The following VCAN variants were observed in gnomAD, a reference collection of about 807,000 sequenced individuals.
VCAN encodes the protein versican.
In VCAN, 44 loss-of-function variants were observed where a neutral mutation model predicts 245.5. The ratio of observed to expected loss-of-function variants is 0.18; its 90% CI spans 0.14 to 0.23. The LOEUF (loss-of-function observed/expected upper bound fraction) is 0.23, where lower values mean the gene tolerates loss of function less well. VCAN is among the 10% of genes least tolerant of loss of function. The probability of loss-of-function intolerance (pLI) is 1.00; values close to 1 mark genes in which losing one functional copy is unlikely to be tolerated. For missense variants in VCAN, 3,793 were observed against 4,057.9 expected, an observed-to-expected ratio of 0.93 and a Z score of 1.77; for synonymous variants, 1,413 against 1,437.0, an observed-to-expected ratio of 0.98 and a Z score of 0.38.
rs1268787386 is a variant in VCAN, at chr5:83,471,751, A to C, written c.-279A>C. The C allele has an allele frequency of 1.8e-5, 7 of 398,632 alleles. No homozygotes were observed. Among genetic ancestry groups the C allele is most frequent in the Non-Finnish European group, 4.4e-6 (1 of 226,220 alleles). 24.7% of individuals were successfully genotyped at this position (398,632 alleles called of 1,614,324 possible). ...TGATGGGTGTCACAACCCGCATTTG[A>C]ACTTGCAGGCGAGCTGCCCCGAGCC... is the stretch of plus-strand genomic sequence containing the variant. On this transcript the variant is annotated 5_prime_UTR_variant, in exon 1 of 15. Coordinates refer to ENST00000265077, the MANE Select transcript of VCAN (RefSeq NM_004385.5).
chr5:83,537,402 C>G lies in VCAN; in HGVS notation c.4399C>G (p.Pro1467Ala). ...AKTELSTAVQPNESTETTESL... is the reference protein window; with the variant it reads ...AKTELSTAVQANESTETTESL... ...AACGGAATTGTCTACTGCTGTGCAACCTAATGAATCTACAGAAACAACTGA... is the reference window on the plus strand; with the variant it reads ...AACGGAATTGTCTACTGCTGTGCAAGCTAATGAATCTACAGAAACAACTGA... The change falls in exon 8 of 15, where the codon CCT (proline) becomes GCT (alanine). Residue 1467 changes from proline to alanine, a missense_variant. Physicochemically the swap from Pro to Ala is conservative, Grantham distance 27 (BLOSUM62 -1). Coordinates refer to ENST00000265077, the MANE Select transcript of VCAN (RefSeq NM_004385.5). 1 of 1,613,894 alleles carries G rather than the reference C, an allele frequency of 6.2e-7. No homozygotes were observed. Among genetic ancestry groups the G allele is most frequent in the South Asian group, 1.1e-5 (1 of 91,076 alleles).
Position 83,473,342 on chromosome 5 carries a change from G to A in VCAN, c.-7+1319G>A, listed in dbSNP as rs150771760. ...CTCCAATCCAACTGCGTCTCGGCAA[G>A]TCCTGCATGTCCCTGGGAGATGCTG... On this transcript the variant is annotated intron_variant, in intron 1 of 14. Coordinates refer to ENST00000265077, the MANE Select transcript of VCAN (RefSeq NM_004385.5). Among the ~76,000 whole-genome samples the A allele has an allele frequency of 1.8e-3, 279 of 152,320 alleles. 1 individual carries two copies. The highest frequency in any genetic ancestry group is 6.0e-3 in the African/African-American group (251 of 41,568).
rs1265659118 is a variant in VCAN, at chr5:83,542,089, C to T, written c.9086C>T (p.Ser3029Leu). 1 of 1,613,978 alleles carries T rather than the reference C, an allele frequency of 6.2e-7. No homozygotes were observed. The highest frequency in any genetic ancestry group is 8.5e-7 in the Non-Finnish European group (1 of 1,179,888). Reference sequence around the variant, plus strand: ...GGGCAGGATTCCACGATAGCAGCATCAGAACAGCAAGTGGCAGCGAGAATT... The same window carrying T: ...GGGCAGGATTCCACGATAGCAGCATTAGAACAGCAAGTGGCAGCGAGAATT... ...IRGQDSTIAA[S>L]EQQVAARILD... Residue 3029 changes from serine (S) to leucine (L), a missense_variant, in exon 8 of 15, where the codon TCA becomes TTA. Physicochemically the swap from Ser to Leu is moderately radical, Grantham distance 145 (BLOSUM62 -2). Coordinates refer to ENST00000265077, the MANE Select transcript of VCAN (RefSeq NM_004385.5).
intron 9 of VCAN, among the ~76,000 whole-genome samples, chr5:83,545,883 G>T (rs944270149): frequency 1.3e-5 from 2 of 152,070 alleles, no homozygotes; most frequent in Non-Finnish European, 2.9e-5. Flanking sequence ...GAGTCTTCTT[G>T]TGTTTTTTAC....
At chr5:83,477,951 CTT>C (rs55842421) in intron 1 of VCAN, among the ~76,000 whole-genome samples, 3,494 of 138,982 alleles carry the variant, frequency 0.025, 106 homozygotes, top group African/African-American at 0.086. Context: ...TAATTTTTTT[CTT>C]TTTTTTTTTT....
chr5:83,555,220 C>G (rs1204111857), intron 12 of VCAN, among the ~76,000 whole-genome samples, 182 bp downstream of exon 12: 1 of 152,154 alleles, frequency 6.6e-6, no homozygotes, highest in African/African-American at 2.4e-5. Flanking sequence ...ATCCAGTCCT[C>G]TCTTCAATAG....
At chr5:83,493,748 A>G in intron 4 of VCAN, 28 bp downstream of exon 4, 1 of 1,614,154 alleles carries the variant, frequency 6.2e-7, no homozygotes, top group East Asian at 2.2e-5. Flanking sequence ...CACAGGCTTC[A>G]TTATTAACTT....
In VCAN at chr5:83,540,408, C is replaced by T. The variant is rs1440428236; in HGVS notation, c.7405C>T (p.Pro2469Ser). 1.2e-6 allele frequency: 2 copies of T among 1,613,848 alleles called. No homozygotes were observed. The highest frequency in any genetic ancestry group is 2.7e-5 in the African/African-American group (2 of 74,880). The change falls in exon 8 of 15, where the codon CCT becomes TCT. Residue 2469 changes from proline (P) to serine (S), a missense_variant. This residue lies in a region of VCAN where 3,182 missense variants were observed against 3,250.3 expected (regional missense o/e 0.98). Transcript: ENST00000265077. ...FVSDGSLEKHPEVPSAKAVTA... is the reference protein window; with the variant it reads ...FVSDGSLEKHSEVPSAKAVTA... Reference sequence around the variant, plus strand: ...TTCTGATGGGTCCCTGGAAAAACATCCTGAGGTGCCAAGCGCTAAAGCTGT... The same window carrying T: ...TTCTGATGGGTCCCTGGAAAAACATTCTGAGGTGCCAAGCGCTAAAGCTGT...
intron 13 of VCAN, among the ~76,000 whole-genome samples, chr5:83,575,168 A>G (rs1414913081): frequency 6.6e-6 from 1 of 152,202 alleles, no homozygotes; most frequent in Non-Finnish European, 1.5e-5. Flanking sequence ...TTAAACCCCA[A>G]TAATGAGAAA....
At chr5:83,533,030 C>T (rs1746579564) in intron 7 of VCAN, among the ~76,000 whole-genome samples, 1 of 152,186 alleles carries the variant, frequency 6.6e-6, no homozygotes, top group African/African-American at 2.4e-5. Context: ...CATCTATATG[C>T]ATCCCATAAC....
Position 83,521,507 on chromosome 5 carries a change from G to A in VCAN, c.3201G>A (p.Glu1067=), listed in dbSNP as rs201157092. ...CAGTAACACCACTGGATGAACAAGA[G>A]GGCGATGGATCAGCATATACAGTCT... is the stretch of plus-strand genomic sequence containing the variant. ...KEAVTPLDEQ[E]GDGSAYTVSE... The change falls in exon 7 of 15, where the codon GAG becomes GAA. Residue 1067 remains glutamate (E), a synonymous_variant. Transcript: ENST00000265077. 4.6e-4 allele frequency: 748 copies of A among 1,614,092 alleles called. 2 individuals carry two copies. Among genetic ancestry groups the A allele is most frequent in the Middle Eastern group, 2.0e-3 (12 of 6,062 alleles).
chr5:83,529,132 T>G (rs887266479), intron 7 of VCAN, among the ~76,000 whole-genome samples: 2 of 152,160 alleles, frequency 1.3e-5, no homozygotes, highest in Middle Eastern at 3.4e-3. Context: ...ACTGGATTTT[T>G]TTGAAGTACA....
intron 10 of VCAN, among the ~76,000 whole-genome samples, chr5:83,549,797 C>T (rs1030731853): frequency 1.1e-4 from 17 of 152,142 alleles, no homozygotes; most frequent in Admixed American, 1.0e-3. Flanking sequence ...AGTCTGTTTA[C>T]GCAGTGCAGC....
intron 1 of VCAN, among the ~76,000 whole-genome samples, chr5:83,478,214 G>A (rs1283517138): frequency 2.0e-5 from 3 of 152,050 alleles, no homozygotes; most frequent in Non-Finnish European, 2.9e-5. Context: ...CCAAAGTGCT[G>A]GGATTACAGG....
chr5:83,519,402 A>C lies in VCAN; in HGVS notation c.1096A>C (p.Ser366Arg), dbSNP rs1435332292. 1.9e-6 allele frequency: 3 copies of C among 1,614,112 alleles called. No individual in the cohort carries two copies. The East Asian group carries it at 6.7e-5, about 36-fold the overall frequency. Residue 366 changes from serine to arginine, a missense_variant, in exon 7 of 15, where the codon AGT (serine) becomes CGT (arginine). This residue lies in a region of VCAN where 3,182 missense variants were observed against 3,250.3 expected (regional missense o/e 0.98). Transcript: ENST00000265077. ...LSILAETASP[S>R]LSKEPQMVSD... The stretch of plus-strand genomic sequence containing the variant: ...TATCCTCGCAGAAACTGCATCACCC[A>C]GTTTATCCAAAGAACCACAAATGGT...
At chr5:83,517,900 C>T (rs1056591651) in intron 6 of VCAN, among the ~76,000 whole-genome samples, 14 of 152,192 alleles carry the variant, frequency 9.2e-5, no homozygotes, top group African/African-American at 2.4e-4. Context: ...AATAACAGCT[C>T]GTGCCAGACA....
intron 7 of VCAN, among the ~76,000 whole-genome samples, chr5:83,529,415 A>G (rs1214613068): frequency 1.3e-5 from 2 of 151,840 alleles, no homozygotes; most frequent in African/African-American, 4.8e-5. Flanking sequence ...CCAACACACT[A>G]TAATAACTAT....
rs1301371634 is a variant in VCAN at position 83,521,693 on chromosome 5, A to C, written c.3387A>C (p.Lys1129Asn). 1.1e-5 allele frequency: 18 copies of C among 1,614,016 alleles called. No homozygotes were observed. Among genetic ancestry groups the C allele is most frequent in the Non-Finnish European group, 1.5e-5 (18 of 1,180,022 alleles). Residue 1129 changes from lysine (K) to asparagine (N), a missense_variant, in exon 7 of 15, where the codon AAA becomes AAC. Around this residue, in one of 5 missense-constraint regions of VCAN, gnomAD observed 3,182 missense variants for 3,250.3 expected, o/e 0.98. Coordinates refer to ENST00000265077, the MANE Select transcript of VCAN (RefSeq NM_004385.5). Reference protein sequence around the residue: ...VVTLTPRIGPKVSLSPGPEQK... With the variant: ...VVTLTPRIGPNVSLSPGPEQK... ...CACTAACACCACGCATTGGGCCAAA[A>C]GTATCTTTAAGTCCAGGGCCTGAAC...
At position 83,539,535 on chromosome 5, in the gene VCAN, G is replaced by A; in HGVS notation, c.6532G>A (p.Val2178Ile). 1 of 1,613,974 alleles carries A rather than the reference G, an allele frequency of 6.2e-7. No individual in the cohort carries two copies. The highest frequency in any genetic ancestry group is 1.1e-5 in the South Asian group (1 of 91,084). ...KEMKEEDTSL[V>I]NMSTPDPDAN... ...AATGAAGGAGGAAGACACTTCTTTA[G>A]TTAACATGTCTACTCCAGATCCAGA... Residue 2178 changes from valine to isoleucine, a missense_variant, in exon 8 of 15, where the codon GTT becomes ATT. Coordinates refer to ENST00000265077, the MANE Select transcript of VCAN (RefSeq NM_004385.5).
Sources: allele counts gnomAD v4.1 joint callset (sites outside exome capture counted in the v4.1 genomes callset), GRCh38; gene constraint gnomAD v4.1.1; regional missense constraint gnomAD v4.1.1; transcripts MANE v1.5; gene names NCBI Gene and HGNC (gene_info 2026-07-23, HGNC 2026-07-21).